ROBO2: variants seen among roughly 807,000 people sequenced by gnomAD.
ROBO2 encodes the protein roundabout guidance receptor 2.
A neutral mutation model predicts 160.8 loss-of-function variants in ROBO2; 53 were observed. The observed-to-expected ratio is 0.33, with a 90% CI of 0.26 to 0.41. The LOEUF is 0.41. Among genes scored for constraint, ROBO2 ranks in the 10% least tolerant of loss-of-function variants. ROBO2 has a pLI of 1.00. For missense variants in ROBO2, 1,577 were observed against 1,722.4 expected (o/e 0.92, Z 1.49); for synonymous variants, 664 against 611.7 (o/e 1.09, Z -1.26).
chr3:75,968,034 T>G (rs1303191935), intron 2 of ROBO2, among the ~76,000 whole-genome samples: 1 of 151,550 alleles, frequency 6.6e-6, no homozygotes, highest in African/African-American at 2.4e-5. Flanking sequence ...CTAATTCATT[T>G]TTTAAATTTA....
At chr3:76,931,593 A>G (rs1472409886) in intron 2 of ROBO2, among the ~76,000 whole-genome samples, 1 of 151,916 alleles carries the variant, frequency 6.6e-6, no homozygotes, top group Non-Finnish European at 1.5e-5. Context: ...ATGAGCATTT[A>G]GTGTCAAGCT....
chr3:76,402,548 C>T (rs2289), intron 2 of ROBO2, among the ~76,000 whole-genome samples: 98 of 151,410 alleles, frequency 6.5e-4, no homozygotes, highest in Admixed American at 1.4e-3. Context: ...TTGGTCTCAC[C>T]CAACTAAAAT....
chr3:77,154,107 A>G (rs185423593), intron 2 of ROBO2, among the ~76,000 whole-genome samples: 1 of 151,956 alleles, frequency 6.6e-6, no homozygotes, highest in East Asian at 1.9e-4. Context: ...TAACAGAATT[A>G]TAATGGGATC....
chr3:76,317,733 AT>A (rs1037084122), intron 2 of ROBO2, among the ~76,000 whole-genome samples: 6 of 152,096 alleles, frequency 3.9e-5, no homozygotes, highest in Non-Finnish European at 5.9e-5. Context: ...TTATTAGAGT[AT>A]TTTTTATATA....
chr3:76,101,125 A>G (rs372452110), intron 2 of ROBO2, among the ~76,000 whole-genome samples: 9 of 152,190 alleles, frequency 5.9e-5, no homozygotes, highest in African/African-American at 2.2e-4. Flanking sequence ...CCTGTCCAGA[A>G]AGCCGGTAAT....
In ROBO2 at chr3:76,830,002, T is replaced by C. The variant is rs114761861; in HGVS notation, c.110-268012T>C. ...TGTTTTTTAAGGCACCATCTTCAGCTCTCTTCTTTCTGTCTAAACTCTGTT... is the reference window on the plus strand; with the variant it reads ...TGTTTTTTAAGGCACCATCTTCAGCCCTCTTCTTTCTGTCTAAACTCTGTT... On this transcript the variant is annotated intron_variant, in intron 2 of 26. Transcript: ENST00000487694. Among the ~76,000 whole-genome samples the C allele has an allele frequency of 1.4e-3, 214 of 152,274 alleles. 1 individual carries two copies. Among genetic ancestry groups the C allele is most frequent in the African/African-American group, 4.9e-3 (202 of 41,554 alleles).
At chr3:75,980,411 A>G (rs2065243648) in intron 2 of ROBO2, among the ~76,000 whole-genome samples, 2 of 151,508 alleles carry the variant, frequency 1.3e-5, no homozygotes, top group African/African-American at 4.8e-5. Context: ...TCTGAGCCAA[A>G]TGCATATGGC....
chr3:77,445,992 G>C (rs1212041655), intron 2 of ROBO2, among the ~76,000 whole-genome samples: 1 of 151,578 alleles, frequency 6.6e-6, no homozygotes, highest in African/African-American at 2.4e-5. Flanking sequence ...TTATTCTTCG[G>C]GTTTGTGAGA....
chr3:76,519,825 T>C (rs1337787062), intron 2 of ROBO2, among the ~76,000 whole-genome samples: 1 of 152,192 alleles, frequency 6.6e-6, no homozygotes, highest in Admixed American at 6.5e-5. Flanking sequence ...ACCTTTGATC[T>C]GAATCAGTCT....
At chr3:76,393,963 G>A (rs1056261518) in intron 2 of ROBO2, among the ~76,000 whole-genome samples, 14 of 152,028 alleles carry the variant, frequency 9.2e-5, no homozygotes, top group African/African-American at 7.2e-5. Context: ...TAAAAAATTC[G>A]TTTTCCATTT....
intron 1 of ROBO2, among the ~76,000 whole-genome samples, chr3:77,057,931 G>A (rs974597521): frequency 6.6e-6 from 1 of 151,964 alleles, no homozygotes; most frequent in African/African-American, 2.4e-5. Flanking sequence ...CATGACACAT[G>A]TATACCTATG....
At chr3:76,396,396 C>T (rs2077450033) in intron 2 of ROBO2, among the ~76,000 whole-genome samples, 2 of 152,046 alleles carry the variant, frequency 1.3e-5, no homozygotes, top group South Asian at 4.2e-4. Flanking sequence ...GGAAGCATTC[C>T]CTTTGAAAAC....
chr3:77,591,630 T>C (rs2094182683), intron 17 of ROBO2, among the ~76,000 whole-genome samples: 1 of 152,212 alleles, frequency 6.6e-6, no homozygotes, highest in Non-Finnish European at 1.5e-5. Flanking sequence ...TAGTGTAAGC[T>C]AAAATATTCT....
intron 2 of ROBO2, among the ~76,000 whole-genome samples, chr3:77,188,968 T>TGTGTGAGA (rs550237793): frequency 0.018 from 2,574 of 142,214 alleles, 28 homozygotes; most frequent in Middle Eastern, 0.05. Flanking sequence ...TGTGTGTGTG[T>TGTGTGAGA]GAGAGAGAGA....
Position 76,961,171 on chromosome 3 carries a change from AAGAC to A in ROBO2, c.110-136838_110-136835del, listed in dbSNP as rs149572935. 1.5e-3 allele frequency among the ~76,000 whole-genome samples: 224 copies of A among 151,662 alleles called. 2 individuals are homozygous for A. Among genetic ancestry groups the A allele is most frequent in the African/African-American group, 5.2e-3 (216 of 41,264 alleles). ...CAGAATCTGCCATAAGGTTTGTTGA[AAGAC>A]AGACCCTGCTCAATCAGAATTTCCA... On this transcript the variant is annotated intron_variant, in intron 2 of 26. Coordinates refer to the ROBO2 transcript ENST00000487694.
At chr3:77,193,037 G>A (rs1486195258) in intron 2 of ROBO2, among the ~76,000 whole-genome samples, 1 of 151,984 alleles carries the variant, frequency 6.6e-6, no homozygotes, top group Non-Finnish European at 1.5e-5. Flanking sequence ...CCTGGTCTGT[G>A]AATGGCATGC....
At chr3:76,934,508 C>T (rs1275766163) in intron 2 of ROBO2, among the ~76,000 whole-genome samples, 3 of 151,524 alleles carry the variant, frequency 2.0e-5, no homozygotes, top group Admixed American at 6.6e-5. Flanking sequence ...TTTAGGAGAA[C>T]GAGAGGGCCG....
At chr3:77,425,566 G>A (rs2078114378) in intron 2 of ROBO2, among the ~76,000 whole-genome samples, 1 of 152,094 alleles carries the variant, frequency 6.6e-6, no homozygotes, top group Non-Finnish European at 1.5e-5. Context: ...AGAGGAACTG[G>A]GAAGGAGTGA....
At chr3:76,352,329 C>A (rs1280370334) in intron 2 of ROBO2, among the ~76,000 whole-genome samples, 1 of 151,992 alleles carries the variant, frequency 6.6e-6, no homozygotes, top group African/African-American at 2.4e-5. Context: ...TCAGGCACAT[C>A]CCCTCGTTCC....
Sources: gnomAD v4.1 joint callset for allele counts (sites outside exome capture counted in the v4.1 genomes callset) on GRCh38, gnomAD v4.1.1 for gene constraint, MANE v1.5 for transcripts, NCBI Gene and HGNC (gene_info 2026-07-23, HGNC 2026-07-21) for gene names.